SYT16: variants seen among roughly 807,000 people sequenced by gnomAD.
SYT16 encodes synaptotagmin 16, also known as synaptotagmin-16.
In SYT16, 42 loss-of-function variants were observed where a neutral mutation model predicts 61.4. The observed-to-expected ratio is 0.68, with a 90% CI of 0.53 to 0.89. The LOEUF (loss-of-function observed/expected upper bound fraction) is 0.89. SYT16 is among the 40% of genes least tolerant of loss of function. The pLI is 0.00. For synonymous variants in SYT16, 314 were observed against 302.3 expected, an observed-to-expected ratio of 1.04 and a Z score of -0.40; for missense variants, 804 against 807.3, an observed-to-expected ratio of 1.00 and a Z score of 0.05.
At chr14:62,036,014 A>G (rs1201822295) in intron 3 of SYT16, among the ~76,000 whole-genome samples, 1 of 152,106 alleles carries the variant, frequency 6.6e-6, no homozygotes, top group Non-Finnish European at 1.5e-5. Context: ...TCCTGCTTCT[A>G]CTTTTAAGGA....
intron 2 of SYT16, among the ~76,000 whole-genome samples, chr14:61,980,146 A>G (rs560982705): frequency 3.9e-5 from 6 of 152,330 alleles, no homozygotes; most frequent in Admixed American, 2.0e-4. Flanking sequence ...CCAACTGGAA[A>G]GGTGGTCCCT....
At chr14:61,964,781 G>T (rs996792828) in intron 1 of SYT16, among the ~76,000 whole-genome samples, 2 of 151,990 alleles carry the variant, frequency 1.3e-5, no homozygotes, top group African/African-American at 4.8e-5. Flanking sequence ...TTATTTTAAG[G>T]TAACAGCCAC....
chr14:62,086,085 G>C (rs991678313), intron 7 of SYT16, among the ~76,000 whole-genome samples: 1 of 152,118 alleles, frequency 6.6e-6, no homozygotes, highest in Non-Finnish European at 1.5e-5. Context: ...GTGGTACCGG[G>C]CAATCCAGAG....
intron 2 of SYT16, among the ~76,000 whole-genome samples, chr14:61,990,327 A>G (rs772381014): frequency 1.2e-4 from 19 of 152,222 alleles, no homozygotes; most frequent in Non-Finnish European, 2.5e-4. Flanking sequence ...AGGTGACACA[A>G]GAAAGTTAAC....
chr14:61,931,058 A>G (rs914758468), intron 1 of SYT16, among the ~76,000 whole-genome samples: 1 of 152,222 alleles, frequency 6.6e-6, no homozygotes, highest in Admixed American at 6.5e-5. Flanking sequence ...GCAGCAATAG[A>G]AAACATACTT....
chr14:61,889,788 C>T (rs1216325917), intron 1 of SYT16, among the ~76,000 whole-genome samples: 4 of 152,036 alleles, frequency 2.6e-5, no homozygotes, highest in African/African-American at 9.7e-5. Flanking sequence ...GAATCGTGAG[C>T]TAAATAACTC....
At chr14:61,957,866 A>G (rs911977468) in intron 1 of SYT16, among the ~76,000 whole-genome samples, 2 of 151,864 alleles carry the variant, frequency 1.3e-5, no homozygotes, top group South Asian at 2.1e-4. Context: ...TAAGAGTTTT[A>G]GGATTGTTAT....
intron 2 of SYT16, among the ~76,000 whole-genome samples, chr14:61,983,266 C>T (rs1446159568): frequency 6.6e-6 from 1 of 152,144 alleles, no homozygotes; most frequent in Non-Finnish European, 1.5e-5. Flanking sequence ...TGTTTATACA[C>T]TTCCATTAAA....
chr14:61,918,301 C>A (rs7158877), intron 1 of SYT16, among the ~76,000 whole-genome samples: 1 of 152,050 alleles, frequency 6.6e-6, no homozygotes, highest in African/African-American at 2.4e-5. Flanking sequence ...ATCATATGGG[C>A]GGAAATATGG....
chr14:62,051,348 G>A lies in SYT16; in HGVS notation c.524-18255G>A, dbSNP rs144600848. 9.0e-3 allele frequency among the ~76,000 whole-genome samples: 1,368 copies of A among 152,286 alleles called. 18 individuals are homozygous for A. Among genetic ancestry groups the A allele is most frequent in the African/African-American group, 0.032 (1,311 of 41,576 alleles). On this transcript the variant is annotated intron_variant, in intron 3 of 7. Transcript: ENST00000683842. ...TGCAGTATTAGGGTGGGAGTGACCC[G>A]ATTTTCCAGGTGCCATCTGTCACCC...
chr14:61,867,075 T>G (rs1158820976), intron 1 of SYT16, among the ~76,000 whole-genome samples: 1 of 152,040 alleles, frequency 6.6e-6, no homozygotes, highest in African/African-American at 2.4e-5. Flanking sequence ...TGAGATTATT[T>G]CTGGAGTCTC....
At chr14:61,867,203 A>T (rs758100186) in intron 1 of SYT16, among the ~76,000 whole-genome samples, 2 of 150,840 alleles carry the variant, frequency 1.3e-5, no homozygotes, top group African/African-American at 2.4e-5. Flanking sequence ...TTTCTTTTTC[A>T]TTTTTTCAAT....
chr14:61,885,969 T>C (rs2047884452), intron 1 of SYT16, among the ~76,000 whole-genome samples: 1 of 151,494 alleles, frequency 6.6e-6, no homozygotes, highest in Non-Finnish European at 1.5e-5. Flanking sequence ...TGGCAATTTT[T>C]TTTTTTTTTT....
At chr14:61,906,608 G>A (rs1566669192) in intron 1 of SYT16, among the ~76,000 whole-genome samples, 1 of 152,076 alleles carries the variant, frequency 6.6e-6, no homozygotes, top group Non-Finnish European at 1.5e-5. Context: ...AAGCACTAGA[G>A]TATGCAGTTT....
chr14:61,953,018 T>C (rs1027179007), intron 1 of SYT16, among the ~76,000 whole-genome samples: 1 of 152,194 alleles, frequency 6.6e-6, no homozygotes, highest in Non-Finnish European at 1.5e-5. Context: ...ATTGGCAAAA[T>C]AATATGCTGT....
At chr14:61,873,762 A>G (rs1176704621) in intron 1 of SYT16, among the ~76,000 whole-genome samples, 1 of 152,162 alleles carries the variant, frequency 6.6e-6, no homozygotes, top group Non-Finnish European at 1.5e-5. Context: ...TCATCATATA[A>G]AAAACAGAAC....
rs116767732 is a variant in SYT16 at position 62,081,937 on chromosome 14, A to T, written c.1434+663A>T. Among the ~76,000 whole-genome samples, 679 of 152,268 alleles carry T rather than the reference A, an allele frequency of 4.5e-3. 6 individuals carry two copies. The highest frequency in any genetic ancestry group is 0.016 in the African/African-American group (644 of 41,542). ...ATTCATTCAGAGATGTTTACTGTCA[A>T]TTATGGTATAGGCAAAGTGGATGCA... On this transcript the variant is annotated intron_variant, in intron 6 of 7. Transcript: ENST00000683842.
chr14:61,906,779 G>A (rs76682775), intron 1 of SYT16, among the ~76,000 whole-genome samples: 4 of 91,584 alleles, frequency 4.4e-5, no homozygotes, highest in African/African-American at 9.7e-5. Context: ...CCATCCATCC[G>A]TCCGTCCGTC....
chr14:61,945,855 CAAAAAAAAAAAAAAAAAAA>C (rs60917584), intron 1 of SYT16, among the ~76,000 whole-genome samples: 1 of 64,490 alleles, frequency 1.6e-5, no homozygotes, highest in Non-Finnish European at 3.1e-5. Flanking sequence ...GACTCCGTCT[CAAAAAAAAAAAAAAAAAAA>C]AAAAAAAAAA....
Sources: gnomAD v4.1 joint callset for allele counts (sites outside exome capture counted in the v4.1 genomes callset) on GRCh38, gnomAD v4.1.1 for gene constraint, MANE v1.5 for transcripts, NCBI Gene and HGNC (gene_info 2026-07-23, HGNC 2026-07-21) for gene names.